The following C8A variants were observed in gnomAD, a reference collection of about 807,000 sequenced individuals.
C8A encodes the protein complement component C8 alpha chain.
Under a neutral mutation model 65.3 loss-of-function variants are expected in C8A, and 67 were observed. The ratio of observed to expected loss-of-function variants is 1.03; its 90% CI spans 0.84 to 1.26. The LOEUF (loss-of-function observed/expected upper bound fraction) is 1.26, where lower values mean the gene tolerates loss of function less well. C8A is among the 50% of genes most tolerant of loss of function. The pLI is 0.00. For synonymous variants in C8A, 290 were observed against 259.4 expected (o/e 1.12, Z -1.13); for missense variants, 781 against 723.9 (o/e 1.08, Z -0.90).
At chr1:56,906,998 A>G (rs1176959287) in intron 8 of C8A, among the ~76,000 whole-genome samples, 1 of 152,124 alleles carries the variant, frequency 6.6e-6, no homozygotes, top group Non-Finnish European at 1.5e-5. Context: ...AGAAATACCT[A>G]CCTTTATACG....
chr1:56,915,720 G>A (rs1644545389), intron 10 of C8A, among the ~76,000 whole-genome samples: 1 of 152,336 alleles, frequency 6.6e-6, no homozygotes, highest in South Asian at 2.1e-4. Flanking sequence ...GCAGAAGGAA[G>A]GTTGGATAAT....
At chr1:56,879,111 G>A (rs1644227210) in intron 4 of C8A, among the ~76,000 whole-genome samples, 1 of 152,116 alleles carries the variant, frequency 6.6e-6, no homozygotes, top group South Asian at 2.1e-4. Flanking sequence ...CGATGACAGA[G>A]TTGAGTAGTT....
In C8A at chr1:56,854,921, T is replaced by G. The variant is rs1257621599; in HGVS notation, c.20T>G (p.Phe7Cys). The G allele has an allele frequency of 9.3e-6, 15 of 1,613,734 alleles. No individual in the cohort carries two copies. The highest frequency in any genetic ancestry group is 1.2e-5 in the Non-Finnish European group (14 of 1,179,846). Residue 7 changes from phenylalanine (F) to cysteine (C), a missense_variant, in exon 1 of 11, where the codon TTC (phenylalanine) becomes TGC (cysteine). Physicochemically the swap from Phe to Cys is radical, Grantham distance 205. Transcript: ENST00000361249. MFAVVF[F>C]ILSLMTCQPG... ...GCTGAGATGTTTGCTGTTGTTTTCT[T>G]CATCTTGTCTTTGATGACTTGTCAG...
intron 10 of C8A, among the ~76,000 whole-genome samples, chr1:56,913,478 T>C (rs1460923500): frequency 1.3e-5 from 2 of 152,216 alleles, no homozygotes; most frequent in African/African-American, 4.8e-5. Context: ...AAAAGTCCAT[T>C]GCTTAAAAAT....
chr1:56,915,929 A>T (rs182968603), intron 10 of C8A, among the ~76,000 whole-genome samples: 64 of 152,318 alleles, frequency 4.2e-4, no homozygotes, highest in Admixed American at 4.1e-3. Flanking sequence ...ATGGTTATCA[A>T]TCTGGCCTGG....
At chr1:56,898,437 A>G (rs1407619463) in intron 7 of C8A, among the ~76,000 whole-genome samples, 1 of 152,126 alleles carries the variant, frequency 6.6e-6, no homozygotes, top group Non-Finnish European at 1.5e-5. Flanking sequence ...TGAGCAACGT[A>G]CTGGTCCCTG....
chr1:56,906,463 A>G (rs1354589964), intron 7 of C8A, among the ~76,000 whole-genome samples: 2 of 152,162 alleles, frequency 1.3e-5, no homozygotes, highest in Non-Finnish European at 2.9e-5. Context: ...TATGTGCAAC[A>G]CATATCTCTT....
At chr1:56,855,352 C>G (rs1045172040) in intron 1 of C8A, among the ~76,000 whole-genome samples, 1 of 152,136 alleles carries the variant, frequency 6.6e-6, no homozygotes, top group Non-Finnish European at 1.5e-5. Flanking sequence ...TAATAAATGA[C>G]AGTTCTCCTG....
intron 10 of C8A, 55 bp downstream of exon 10, chr1:56,912,680 G>A (rs1644519170): frequency 1.7e-5 from 26 of 1,537,686 alleles, no homozygotes; most frequent in Non-Finnish European, 2.2e-5. Context: ...AAAGGGGCCA[G>A]TGCAAAAAGG....
chr1:56,879,284 T>C (rs1199932254), intron 4 of C8A, among the ~76,000 whole-genome samples: 2 of 152,228 alleles, frequency 1.3e-5, no homozygotes, highest in South Asian at 2.1e-4. Context: ...CTTACAAAAA[T>C]GCTGCAATGA....
At chr1:56,879,088 A>G (rs1251782123) in intron 4 of C8A, among the ~76,000 whole-genome samples, 1 of 152,220 alleles carries the variant, frequency 6.6e-6, no homozygotes, top group Non-Finnish European at 1.5e-5. Context: ...ATTGAAATAC[A>G]GCTTTTACCC....
At chr1:56,884,141 A>G (rs1557704914) in intron 6 of C8A, among the ~76,000 whole-genome samples, 1 of 152,142 alleles carries the variant, frequency 6.6e-6, no homozygotes, top group Admixed American at 6.6e-5. Context: ...TGGGGGGTCA[A>G]TATATGCTTC....
At chr1:56,870,836 C>A (rs994413854) in intron 2 of C8A, among the ~76,000 whole-genome samples, 1 of 152,018 alleles carries the variant, frequency 6.6e-6, no homozygotes, top group Admixed American at 6.6e-5. Flanking sequence ...GAAAGACCAC[C>A]CTAGTTTTTT....
chr1:56,887,464 G>C (rs1644308771), intron 7 of C8A, among the ~76,000 whole-genome samples: 1 of 152,144 alleles, frequency 6.6e-6, no homozygotes, highest in South Asian at 2.1e-4. Flanking sequence ...GTGATGATGA[G>C]CTTTTTTTCA....
At chr1:56,914,490 T>G (rs1644536084) in intron 10 of C8A, among the ~76,000 whole-genome samples, 1 of 152,142 alleles carries the variant, frequency 6.6e-6, no homozygotes, top group Non-Finnish European at 1.5e-5. Flanking sequence ...TGAATTTAAA[T>G]ATTTTAAGCT....
At chr1:56,903,222 G>A (rs1644439665) in intron 7 of C8A, among the ~76,000 whole-genome samples, 1 of 152,030 alleles carries the variant, frequency 6.6e-6, no homozygotes, top group Admixed American at 6.5e-5. Flanking sequence ...TCTCATGGGA[G>A]GAATCTGGTG....
Position 56,872,108 on chromosome 1 carries a change from G to A in C8A, c.172-2841G>A, listed in dbSNP as rs1644151879. Among the ~76,000 whole-genome samples, 3 of 152,144 alleles carry A rather than the reference G, an allele frequency of 2.0e-5. No homozygotes were observed. In the South Asian group the frequency reaches 6.2e-4, roughly 31 times the overall value. ...CTTTTGTCAAAGAAGCAAAAATGTA[G>A]TTTAGAATGACCTAACTGCAATATT... On this transcript the variant is annotated intron_variant, in intron 2 of 10. Coordinates refer to ENST00000361249, the MANE Select transcript of C8A (RefSeq NM_000562.3).
intron 1 of C8A, among the ~76,000 whole-genome samples, chr1:56,859,258 A>G (rs1644007482): frequency 6.6e-6 from 1 of 152,242 alleles, no homozygotes; most frequent in African/African-American, 2.4e-5. Flanking sequence ...TTCTTGTGAA[A>G]TTTTAATGAA....
chr1:56,858,457 A>G (rs779130546), intron 1 of C8A, among the ~76,000 whole-genome samples: 1 of 152,206 alleles, frequency 6.6e-6, no homozygotes, highest in Admixed American at 6.5e-5. Flanking sequence ...AGGGGAATTT[A>G]AAAAATGTGA....
Sources: allele counts gnomAD v4.1 joint callset (sites outside exome capture counted in the v4.1 genomes callset), GRCh38; gene constraint gnomAD v4.1.1; transcripts MANE v1.5; gene names NCBI Gene and HGNC (gene_info 2026-07-23, HGNC 2026-07-21).